The following POGK variants were observed in gnomAD, a reference collection of about 807,000 sequenced individuals.
POGK encodes the protein pogo transposable element with KRAB domain.
Under a neutral mutation model 54.4 loss-of-function variants are expected in POGK, and 16 were observed. That is an observed-to-expected ratio of 0.29 (90% CI 0.20 to 0.45). The LOEUF (loss-of-function observed/expected upper bound fraction) is 0.45. Ranked by LOEUF, POGK falls within the 20% of genes least tolerant of loss-of-function variation. The probability of loss-of-function intolerance (pLI) is 1.00; values close to 1 mark genes in which losing one functional copy is unlikely to be tolerated. For synonymous variants in POGK, 271 were observed against 302.2 expected (o/e 0.90, Z 1.07); for missense variants, 515 against 795.6 (o/e 0.65, Z 4.24).
chr1:166,852,307 A>G (rs1571230913), intron 5 of POGK: 1 of 152,374 alleles, frequency 6.6e-6, no homozygotes, highest in East Asian at 1.9e-4. Context: ...AGAAGAGGAA[A>G]GGAGAAAAAG....
At chr1:166,843,428 C>T (rs1486969195) in intron 2 of POGK, among the ~76,000 whole-genome samples, 1 of 152,258 alleles carries the variant, frequency 6.6e-6, no homozygotes, top group Non-Finnish European at 1.5e-5. Context: ...CATGCTAAGG[C>T]CTGAGTGGCC....
chr1:166,849,967 A>G lies in POGK; in HGVS notation c.1388A>G (p.Lys463Arg), dbSNP rs1657993492. 2 of 1,614,246 alleles carry G rather than the reference A, an allele frequency of 1.2e-6. No individual in the cohort carries two copies. The change falls in exon 5 of 6, where the codon AAG becomes AGG. Residue 463 changes from lysine (K) to arginine (R), a missense_variant. Physicochemically the swap from Lys to Arg is conservative, Grantham distance 26. This residue lies in a region of POGK where 461 missense variants were observed against 743.5 expected (regional missense o/e 0.62). Transcript: ENST00000367876. ...VWRRRTGAVP[K>R]QRGMLILNGF... ...AGACGGAGGACAGGAGCAGTGCCCA[A>G]GCAGCGAGGGATGCTGATCTTGAAT...
At position 166,840,919 on chromosome 1, in the gene POGK, A is replaced by G. The variant is rs371061648; in HGVS notation, c.-2-36A>G. 19 of 1,612,008 alleles carry G rather than the reference A, an allele frequency of 1.2e-5. No homozygotes were observed. The East Asian group carries it at 1.8e-4, about 15-fold the overall frequency. ...CATAGGCTTTGGGGAGGTCACAGTG[A>G]CACCTGGTTTTTCTGAACCTGAATC... On this transcript the variant is annotated intron_variant, in intron 1 of 5. Coordinates refer to ENST00000367876, the MANE Select transcript of POGK (RefSeq NM_017542.5).
chr1:166,846,771 C>G, intron 3 of POGK, 33 bp downstream of exon 3: 2 of 1,612,558 alleles, frequency 1.2e-6, no homozygotes, highest in Non-Finnish European at 1.7e-6. Flanking sequence ...CTCCTGGAAG[C>G]TCTGAGCCCA....
chr1:166,839,781 C>T (rs1398870660), intron 1 of POGK, 177 bp downstream of exon 1: 4 of 148,786 alleles, frequency 2.7e-5, no homozygotes, highest in Non-Finnish European at 6.0e-5. Context: ...TGCGCTGGGG[C>T]CGGGAGGGGG....
At position 166,849,690 on chromosome 1, in the gene POGK, G is replaced by C. The variant is rs1456721575; in HGVS notation, c.1111G>C (p.Glu371Gln). ...TGCAGATGAGACGCCCATTTGTTTA[G>C]AGGTGCCATCACGGGTAACTGTTGA... ...GNADETPICL[E>Q]VPSRVTVDNQ... The change falls in exon 5 of 6, where the codon GAG (glutamate) becomes CAG (glutamine). Residue 371 changes from glutamate to glutamine, a missense_variant. Physicochemically the swap from Glu to Gln is conservative, Grantham distance 29. This residue lies in a region of POGK where 461 missense variants were observed against 743.5 expected (regional missense o/e 0.62). Transcript: ENST00000367876. 5 of 1,614,276 alleles carry C rather than the reference G, an allele frequency of 3.1e-6. No homozygotes were observed. Among genetic ancestry groups the C allele is most frequent in the Non-Finnish European group, 3.4e-6 (4 of 1,180,052 alleles).
intron 2 of POGK, among the ~76,000 whole-genome samples, chr1:166,846,135 C>G (rs552050324): frequency 6.6e-6 from 1 of 152,240 alleles, no homozygotes; most frequent in African/African-American, 2.4e-5. Flanking sequence ...GGCAGTGATC[C>G]TATTCAGATT....
chr1:166,846,852 C>T (rs771508913), intron 3 of POGK, 114 bp downstream of exon 3: 3 of 1,368,944 alleles, frequency 2.2e-6, no homozygotes, highest in South Asian at 1.3e-5. Context: ...GACTCTGCCT[C>T]CTCAATGTCT....
At chr1:166,845,689 A>G (rs1407088340) in intron 2 of POGK, among the ~76,000 whole-genome samples, 1 of 152,230 alleles carries the variant, frequency 6.6e-6, no homozygotes, top group Non-Finnish European at 1.5e-5. Context: ...ACCAGCCTGA[A>G]ACAAGCCATC....
At chr1:166,847,886 C>G (rs1196099131) in intron 4 of POGK, among the ~76,000 whole-genome samples, 1 of 152,160 alleles carries the variant, frequency 6.6e-6, no homozygotes, top group Non-Finnish European at 1.5e-5. Flanking sequence ...CACCTTCTGG[C>G]TGAACAGGGC....
At position 166,848,934 on chromosome 1, in the gene POGK, C is replaced by T. The variant is rs761145631; in HGVS notation, c.359-4C>T. 6 of 1,579,158 alleles carry T rather than the reference C, an allele frequency of 3.8e-6. No individual in the cohort carries two copies. Among genetic ancestry groups the T allele is most frequent in the Non-Finnish European group, 5.2e-6 (6 of 1,163,204 alleles). ...ATTTTTGCCCCTCACTATTTGTCTCCCAGAAAATGAAGAATCTGACGTAAA... is the reference window on the plus strand; with the variant it reads ...ATTTTTGCCCCTCACTATTTGTCTCTCAGAAAATGAAGAATCTGACGTAAA... On this transcript the variant is annotated splice_region_variant and splice_polypyrimidine_tract_variant and intron_variant, in intron 4 of 5. Coordinates refer to ENST00000367876, the MANE Select transcript of POGK (RefSeq NM_017542.5).
chr1:166,848,022 A>G (rs779412224), intron 4 of POGK, among the ~76,000 whole-genome samples: 10 of 152,236 alleles, frequency 6.6e-5, no homozygotes, highest in Non-Finnish European at 1.2e-4. Context: ...CATAGCATAC[A>G]TTTGAGCAAA....
chr1:166,848,528 A>G (rs1165326004), intron 4 of POGK, among the ~76,000 whole-genome samples: 1 of 152,216 alleles, frequency 6.6e-6, no homozygotes, highest in African/African-American at 2.4e-5. Context: ...CTGTAATATT[A>G]TATGGTAGTA....
chr1:166,849,304 A>C lies in POGK; in HGVS notation c.725A>C (p.Gln242Pro), dbSNP rs745409732. The C allele has an allele frequency of 6.2e-7, 1 of 1,614,122 alleles. No homozygotes were observed. Among genetic ancestry groups the C allele is most frequent in the Non-Finnish European group, 8.5e-7 (1 of 1,180,058 alleles). Residue 242 changes from glutamine to proline, a missense_variant, in exon 5 of 6, where the codon CAA (glutamine) becomes CCA (proline). Coordinates refer to ENST00000367876, the MANE Select transcript of POGK (RefSeq NM_017542.5). ...TGGCGCAAAGTGAAGCCACAGCTTC[A>C]AAACGCCCACGCCATGCGGCGGGCA... ...RDWRKVKPQL[Q>P]NAHAMRRAFR...
Position 166,856,130 on chromosome 1 carries a change from T to C in POGK, c.*3560T>C, listed in dbSNP as rs994924055. On this transcript the variant is annotated 3_prime_UTR_variant, in exon 6 of 6. Transcript: ENST00000367876. ...AGACTGCTTGAGCTCAGGAGTTCAT[T>C]ACCAGTCTGGGCAACATGATAAAAC... is the stretch of plus-strand genomic sequence containing the variant. The C allele has an allele frequency of 1.3e-5, 2 of 151,668 alleles. No individual in the cohort carries two copies. The highest frequency in any genetic ancestry group is 2.9e-5 in the Non-Finnish European group (2 of 67,942). The allele number at this position is 151,668 out of a possible 1,614,324, so 9.4% of individuals were successfully genotyped here.
At position 166,854,862 on chromosome 1, in the gene POGK, A is replaced by AT. The variant is rs1369403615; in HGVS notation, c.*2294dup. ...TACAGTGCCCATAAAGTAGTAGTTG[A>AT]TTCTCCAGGAATAATCTGGCAGTGT... On this transcript the variant is annotated 3_prime_UTR_variant, in exon 6 of 6. Coordinates refer to ENST00000367876, the MANE Select transcript of POGK (RefSeq NM_017542.5). The AT allele has an allele frequency of 6.6e-6, 1 of 151,614 alleles. No individual in the cohort carries two copies. The highest frequency in any genetic ancestry group is 1.5e-5 in the Non-Finnish European group (1 of 68,030). The allele number at this position is 151,614 out of a possible 1,614,324, so 9.4% of individuals were successfully genotyped here. A position where few individuals can be genotyped will look rare whatever the true frequency, so the allele number is the denominator to read the frequency against.
In POGK at chr1:166,839,505, C is replaced by G. The variant is rs1180177781; in HGVS notation, c.-102C>G. ...TCCTCCCCGCTCCCTCCCGAGGGGC[C>G]GCGCGCACGGGAGGACGGAGAGGCG... On this transcript the variant is annotated 5_prime_UTR_variant, in exon 1 of 6. Transcript: ENST00000367876. The G allele has an allele frequency of 6.6e-6, 1 of 151,752 alleles. No individual in the cohort carries two copies. Among genetic ancestry groups the G allele is most frequent in the Non-Finnish European group, 1.5e-5 (1 of 67,902 alleles). 9.4% of individuals were successfully genotyped at this position (151,752 alleles called of 1,614,324 possible).
intron 2 of POGK, among the ~76,000 whole-genome samples, chr1:166,846,147 A>G (rs1657837552): frequency 6.6e-6 from 1 of 152,080 alleles, no homozygotes; most frequent in African/African-American, 2.4e-5. Flanking sequence ...ATTCAGATTT[A>G]CAAACCCAAC....
In POGK at chr1:166,856,105, A is replaced by AGACT. The variant is rs1658263491; in HGVS notation, c.*3537_*3540dup. 1.3e-5 allele frequency: 2 copies of AGACT among 152,130 alleles called. No individual in the cohort carries two copies. Among genetic ancestry groups the AGACT allele is most frequent in the Non-Finnish European group, 1.5e-5 (1 of 68,030 alleles). The allele number at this position is 152,130 out of a possible 1,614,324, so 9.4% of individuals were successfully genotyped here. A position where few individuals can be genotyped will look rare whatever the true frequency, so the allele number is the denominator to read the frequency against. On this transcript the variant is annotated 3_prime_UTR_variant, in exon 6 of 6. Transcript: ENST00000367876. ...AACACTCTGGGAGGCCAAGGTGGGC[A>AGACT]GACTGCTTGAGCTCAGGAGTTCATT...
Sources: allele counts gnomAD v4.1 joint callset (sites outside exome capture counted in the v4.1 genomes callset), GRCh38; gene constraint gnomAD v4.1.1; regional missense constraint gnomAD v4.1.1; transcripts MANE v1.5; gene names NCBI Gene and HGNC (gene_info 2026-07-23, HGNC 2026-07-21).